BOC: variants seen among roughly 807,000 people sequenced by gnomAD.
The protein encoded by BOC is brother of CDO.
BOC carries 76 observed loss-of-function variants against 112.0 expected under a neutral mutation model. That is an observed-to-expected ratio of 0.68 (90% CI 0.56 to 0.82). The LOEUF is 0.82. Ranked by LOEUF, BOC falls within the 40% of genes least tolerant of loss-of-function variation. The probability of loss-of-function intolerance (pLI) is 0.00; values close to 1 mark genes in which losing one functional copy is unlikely to be tolerated. For missense variants in BOC, 1,309 were observed against 1,511.7 expected (o/e 0.87, Z 2.22); for synonymous variants, 580 against 599.8 (o/e 0.97, Z 0.48).
intron 2 of BOC, among the ~76,000 whole-genome samples, chr3:113,233,769 C>T (rs1943036578): frequency 6.6e-6 from 1 of 152,120 alleles, no homozygotes; most frequent in Admixed American, 6.5e-5. Flanking sequence ...CGTCAGGCGC[C>T]TACTTCTCTT....
At chr3:113,219,315 G>A (rs1940111246) in intron 2 of BOC, among the ~76,000 whole-genome samples, 1 of 152,236 alleles carries the variant, frequency 6.6e-6, no homozygotes, top group Admixed American at 6.5e-5. Context: ...TGCCTCCACT[G>A]CCCTTCCAGC....
At chr3:113,249,449 G>A (rs555356567) in intron 2 of BOC, among the ~76,000 whole-genome samples, 1 of 152,316 alleles carries the variant, frequency 6.6e-6, no homozygotes, top group East Asian at 1.9e-4. Flanking sequence ...CCTCCTCGTT[G>A]CTGTCCATCC....
In BOC at chr3:113,260,721, A is replaced by ACAGAACAGAAC. The variant is rs1553737946; in HGVS notation, c.377-7578_377-7577insCAGAACAGAAC. Among the ~76,000 whole-genome samples, 341 of 92,232 alleles carry ACAGAACAGAAC rather than the reference A, an allele frequency of 3.7e-3. 4 individuals carry two copies. Among genetic ancestry groups the ACAGAACAGAAC allele is most frequent in the African/African-American group, 0.011 (271 of 23,998 alleles). The allele number at this position is 92,232 out of a possible 152,430, so 60.5% of individuals were successfully genotyped here. On this transcript the variant is annotated intron_variant, in intron 4 of 19. Transcript: ENST00000682979. ...ACAGAACAGAACAGAACAGAACAGA[A>ACAGAACAGAAC]AGAACAGAACAGAACAGAACAGAAC...
intron 4 of BOC, among the ~76,000 whole-genome samples, chr3:113,257,264 A>G (rs542562862): frequency 6.6e-6 from 1 of 152,352 alleles, no homozygotes; most frequent in Non-Finnish European, 1.5e-5. Flanking sequence ...CATGAGCTCC[A>G]TTCAAACCTC....
intron 2 of BOC, among the ~76,000 whole-genome samples, chr3:113,222,772 T>C (rs1262609078): frequency 6.6e-6 from 1 of 152,276 alleles, no homozygotes; most frequent in East Asian, 1.9e-4. Flanking sequence ...TGGGATTTCC[T>C]GAGTGTGCCT....
intron 2 of BOC, among the ~76,000 whole-genome samples, chr3:113,229,226 A>G (rs1391032287): frequency 6.6e-6 from 1 of 152,212 alleles, no homozygotes; most frequent in East Asian, 1.9e-4. Flanking sequence ...CAGTGGAGCC[A>G]AAGCCCTCTG....
chr3:113,218,813 T>C (rs1939998159), intron 2 of BOC, among the ~76,000 whole-genome samples: 1 of 152,206 alleles, frequency 6.6e-6, no homozygotes, highest in Non-Finnish European at 1.5e-5. Context: ...GGCTGGGAAG[T>C]TAGGCCTGGC....
chr3:113,284,860 T>C lies in BOC; in HGVS notation c.2966+2T>C. 1 of 1,613,870 alleles carries C rather than the reference T, an allele frequency of 6.2e-7. No individual in the cohort carries two copies. Reference sequence around the variant, plus strand: ...CCCCCAAAGTCACCAGATCACGAGGTAACCAGGCCTCTCCCCTTTCACTCC... The same window carrying C: ...CCCCCAAAGTCACCAGATCACGAGGCAACCAGGCCTCTCCCCTTTCACTCC... On this transcript the variant is annotated splice_donor_variant, in intron 18 of 19. Coordinates refer to ENST00000682979, the MANE Select transcript of BOC (RefSeq NM_001378074.1). LOFTEE classifies it high-confidence loss of function.
chr3:113,212,215 C>A (rs1938296981), intron 1 of BOC, 199 bp downstream of exon 1: 2 of 151,194 alleles, frequency 1.3e-5, no homozygotes, highest in South Asian at 4.1e-4. Flanking sequence ...CGAGGCTGGG[C>A]GCGCCGGGCG....
intron 4 of BOC, among the ~76,000 whole-genome samples, chr3:113,263,692 A>C (rs988743903): frequency 5.9e-5 from 9 of 152,236 alleles, no homozygotes; most frequent in African/African-American, 2.2e-4. Flanking sequence ...GAATGCATGA[A>C]CATACACCAA....
chr3:113,278,060 G>A lies in BOC; in HGVS notation c.1543-35G>A. On this transcript the variant is annotated intron_variant, in intron 9 of 19. Transcript: ENST00000682979. This position sits in a 1 kb window ranked among gnomAD's most constrained non-coding sequence, Gnocchi z 4.2. ...CATAGCCCACTCGTAGCCCGAGGCT[G>A]AGATGCCGGTCTTTATACCAGCTAC... 1 of 1,612,556 alleles carries A rather than the reference G, an allele frequency of 6.2e-7. No homozygotes were observed. Among genetic ancestry groups the A allele is most frequent in the African/African-American group, 1.3e-5 (1 of 75,020 alleles).
chr3:113,260,497 A>C (rs1946697007), intron 4 of BOC, among the ~76,000 whole-genome samples: 1 of 152,144 alleles, frequency 6.6e-6, no homozygotes, highest in African/African-American at 2.4e-5. Context: ...ATGACCTAAC[A>C]CAGGGGTCCC....
chr3:113,279,577 T>G (rs556308963), intron 12 of BOC, 122 bp downstream of exon 12: 62 of 976,670 alleles, frequency 6.3e-5, no homozygotes, highest in Middle Eastern at 3.1e-4. Context: ...CCAGCATGCC[T>G]CCATGTTGCT....
In BOC at chr3:113,273,179, A is replaced by C. The variant is rs761403195; in HGVS notation, c.1072A>C (p.Arg358=). 5 of 1,614,042 alleles carry C rather than the reference A, an allele frequency of 3.1e-6. No individual in the cohort carries two copies. The highest frequency in any genetic ancestry group is 4.2e-6 in the Non-Finnish European group (5 of 1,180,020). Residue 358 remains arginine, a synonymous_variant, in exon 8 of 20, where the codon AGG becomes CGG. Coordinates refer to ENST00000682979, the MANE Select transcript of BOC (RefSeq NM_001378074.1). ...GNPPPSVLWL[R]NAVPLISSQR... is the part of the protein sequence containing the mutation. ...CCCCCCGCCCTCCGTGCTGTGGCTG[A>C]GGAATGCTGTGCCCCTCATCTCCAG...
intron 2 of BOC, among the ~76,000 whole-genome samples, chr3:113,230,762 T>A (rs2107700507): frequency 6.6e-6 from 1 of 152,350 alleles, no homozygotes; most frequent in South Asian, 2.1e-4. Context: ...CAGTGATTTT[T>A]AACTTGTATT....
At chr3:113,218,515 C>T (rs1939929305) in intron 2 of BOC, among the ~76,000 whole-genome samples, 1 of 152,170 alleles carries the variant, frequency 6.6e-6, no homozygotes, top group Admixed American at 6.5e-5. Flanking sequence ...GTGAGAGAGA[C>T]TTAAAAATGC....
chr3:113,211,111 T>C (rs545096812), upstream of BOC: 1 of 152,242 alleles, frequency 6.6e-6, no homozygotes, highest in Non-Finnish European at 1.5e-5. Context: ...TTGCTTTTAA[T>C]GATTTATCCA....
At position 113,274,216 on chromosome 3, in the gene BOC, C is replaced by T. The variant is rs13093350; in HGVS notation, c.1235-159C>T. 0.15 allele frequency among the ~76,000 whole-genome samples: 23,225 copies of T among 152,254 alleles called. 1,833 individuals carry two copies. The highest frequency in any genetic ancestry group is 0.18 in the Middle Eastern group (54 of 294). On this transcript the variant is annotated intron_variant, in intron 8 of 19. Coordinates refer to ENST00000682979, the MANE Select transcript of BOC (RefSeq NM_001378074.1). The surrounding 1 kb of genome is among the most constrained non-coding windows in gnomAD (Gnocchi z 4.8). ...AGGACAGGGACACCAGCGCTGTCTT[C>T]CACGGAGCCTGGCTGGGCAGCACAG...
intron 2 of BOC, among the ~76,000 whole-genome samples, chr3:113,233,408 T>G (rs1205625207): frequency 1.3e-5 from 2 of 152,166 alleles, no homozygotes; most frequent in African/African-American, 4.8e-5. Context: ...AGTGACAGCT[T>G]AATTGGAATT....
Sources: gnomAD v4.1 joint callset for allele counts (sites outside exome capture counted in the v4.1 genomes callset) on GRCh38, gnomAD v4.1.1 for gene constraint, Gnocchi (gnomAD v3.1) non-coding constraint, MANE v1.5 for transcripts, NCBI Gene and HGNC (gene_info 2026-07-23, HGNC 2026-07-21) for gene names.